Variants in SLC5A10 observed in about 807,000 individuals in gnomAD.
The protein encoded by SLC5A10 is sodium/mannose cotransporter SLC5A10.
Under a neutral mutation model 68.9 loss-of-function variants are expected in SLC5A10, and 55 were observed. The ratio of observed to expected loss-of-function variants is 0.80; its 90% CI spans 0.64 to 1.00. The LOEUF is 1.00. Among genes scored for constraint, SLC5A10 ranks in the 50% least tolerant of loss-of-function variants. SLC5A10 has a pLI of 0.00. For synonymous variants in SLC5A10, 344 were observed against 344.8 expected (o/e 1.00, Z 0.02); for missense variants, 732 against 819.3 (o/e 0.89, Z 1.30).
At chr17:19,009,061 C>T (rs1335093939) in intron 9 of SLC5A10, among the ~76,000 whole-genome samples, 1 of 152,068 alleles carries the variant, frequency 6.6e-6, no homozygotes, top group African/African-American at 2.4e-5. Flanking sequence ...GATTCATCCA[C>T]CTCAGCCTCC....
chr17:19,002,859 C>T (rs966841347), intron 9 of SLC5A10, among the ~76,000 whole-genome samples: 3 of 152,136 alleles, frequency 2.0e-5, no homozygotes, highest in East Asian at 1.9e-4. Context: ...AGGTCCCTTC[C>T]GGTGGCAAAA....
At chr17:18,979,108 A>C in intron 9 of SLC5A10, 1 of 560,370 alleles carries the variant, frequency 1.8e-6, no homozygotes, top group Non-Finnish European at 3.2e-6. Context: ...GGATTCACTA[A>C]GCAGCTCAGG....
rs185335436 is a variant in SLC5A10 at position 19,021,626 on chromosome 17, T to C, written c.*1195T>C. ...GGTTGAGCCTCCAGTGGGTGAAACC[T>C]GGGAGTCCTCAACCTTCCTGGCAGA... On this transcript the variant is annotated 3_prime_UTR_variant, in exon 15 of 15. Transcript: ENST00000395645. This position sits in a 1 kb window ranked among gnomAD's most constrained non-coding sequence, Gnocchi z 4.1. The C allele has an allele frequency of 5.6e-4, 222 of 393,596 alleles. No homozygotes were observed. Among genetic ancestry groups the C allele is most frequent in the African/African-American group, 4.3e-3 (207 of 48,694 alleles). 24.4% of individuals were successfully genotyped at this position (393,596 alleles called of 1,614,324 possible).
In SLC5A10 at chr17:18,968,574, G is replaced by T. The variant is rs2042758622; in HGVS notation, c.454-478G>T. Among the ~76,000 whole-genome samples, 1 of 152,210 alleles carries T rather than the reference G, an allele frequency of 6.6e-6. No individual in the cohort carries two copies. Among genetic ancestry groups the T allele is most frequent in the Non-Finnish European group, 1.5e-5 (1 of 68,028 alleles). On this transcript the variant is annotated intron_variant, in intron 5 of 14. Transcript: ENST00000395645. This position sits in a 1 kb window ranked among gnomAD's most constrained non-coding sequence, Gnocchi z 4.1. ...GCTTCAGTTCCAAACCCACTGGGGG[G>T]TGGGGGCAGGAAGCAAGGCTGCCCC... is the stretch of plus-strand genomic sequence containing the variant.
chr17:18,961,485 G>T (rs1036011860), intron 5 of SLC5A10, among the ~76,000 whole-genome samples: 4 of 152,128 alleles, frequency 2.6e-5, no homozygotes, highest in African/African-American at 7.2e-5. Context: ...GTGAGTTGGT[G>T]GTAGCAATGG....
At position 19,004,040 on chromosome 17, in the gene SLC5A10, A is replaced by AT. The variant is rs1456234400; in HGVS notation, c.983-9369dup. On this transcript the variant is annotated intron_variant, in intron 9 of 14. Transcript: ENST00000395645. The surrounding 1 kb of genome is among the most constrained non-coding windows in gnomAD (Gnocchi z 5.4). ...CAGACACTGCACCTGAGAGAAGGCC[A>AT]TGGCGCCGCCTGCCCGGGCACTGCT... is the stretch of plus-strand genomic sequence containing the variant. 6.3e-6 allele frequency: 10 copies of AT among 1,583,364 alleles called. 1 individual carries two copies. The South Asian group carries it at 9.1e-5, about 14-fold the overall frequency.
At chr17:18,987,997 C>T (rs529760638) in intron 9 of SLC5A10, among the ~76,000 whole-genome samples, 2 of 152,338 alleles carry the variant, frequency 1.3e-5, no homozygotes, top group East Asian at 1.9e-4. Flanking sequence ...GCATGAGCTC[C>T]AGCACCTGGT....
At chr17:18,979,663 A>G (rs901725235) in intron 9 of SLC5A10, 1 of 1,613,338 alleles carries the variant, frequency 6.2e-7, no homozygotes, top group Non-Finnish European at 8.5e-7. Context: ...GCTGCTCCGC[A>G]CTCTGAGATT....
chr17:18,978,235 G>C, intron 9 of SLC5A10: 1 of 1,590,104 alleles, frequency 6.3e-7, no homozygotes, highest in Non-Finnish European at 8.6e-7. Flanking sequence ...TGGGCTCTGG[G>C]GGAGGGCAAG....
chr17:19,017,478 A>G lies in SLC5A10; in HGVS notation c.1242-1945A>G. 7.6e-7 allele frequency: 1 copy of G among 1,318,268 alleles called. No homozygotes were observed. Among genetic ancestry groups the G allele is most frequent in the Non-Finnish European group, 1.1e-6 (1 of 938,006 alleles). The allele number at this position is 1,318,268 out of a possible 1,614,324, so 81.7% of individuals were successfully genotyped here. On this transcript the variant is annotated intron_variant, in intron 11 of 14. Transcript: ENST00000395645. This position sits in a 1 kb window ranked among gnomAD's most constrained non-coding sequence, Gnocchi z 5.6. ...AGACCAACAGCCCAGAGGCCTGGAG[A>G]GGAGGCCATCGCAGGGCCGGGTGCA...
At chr17:18,964,071 T>C (rs1304100019) in intron 5 of SLC5A10, among the ~76,000 whole-genome samples, 17 of 152,154 alleles carry the variant, frequency 1.1e-4, no homozygotes, top group Admixed American at 1.1e-3. Flanking sequence ...CGTGGCTCCC[T>C]CATGTCCCTC....
At chr17:18,993,367 C>T (rs1280993621) in intron 9 of SLC5A10, among the ~76,000 whole-genome samples, 1 of 152,216 alleles carries the variant, frequency 6.6e-6, no homozygotes, top group Non-Finnish European at 1.5e-5. Flanking sequence ...GAGCGTGTAT[C>T]ACTTGCGTAT....
At chr17:18,979,712 A>C (rs2043081318) in intron 9 of SLC5A10, 1 of 1,609,784 alleles carries the variant, frequency 6.2e-7, no homozygotes, top group Admixed American at 1.7e-5. Context: ...CACGACTGCA[A>C]CCCTGACCAC....
At chr17:18,983,353 C>A (rs1794996907) in intron 9 of SLC5A10, among the ~76,000 whole-genome samples, 1 of 152,256 alleles carries the variant, frequency 6.6e-6, no homozygotes, top group South Asian at 2.1e-4. Flanking sequence ...AGCAGGTCAA[C>A]AGCCAGTGAG....
chr17:19,017,530 C>G lies in SLC5A10; in HGVS notation c.1242-1893C>G. The G allele has an allele frequency of 1.3e-6, 1 of 790,604 alleles. No homozygotes were observed. The highest frequency in any genetic ancestry group is 2.0e-6 in the Non-Finnish European group (1 of 492,524). 49.0% of individuals were successfully genotyped at this position (790,604 alleles called of 1,614,324 possible). A position where few individuals can be genotyped will look rare whatever the true frequency, so the allele number is the denominator to read the frequency against. ...TACCATGCCGGTGACCCTGATGGCT[C>G]TGTCCAGCTGAGCAGAGGCTGGAGG... On this transcript the variant is annotated intron_variant, in intron 11 of 14. Coordinates refer to ENST00000395645, the MANE Select transcript of SLC5A10 (RefSeq NM_001042450.4). This position sits in a 1 kb window ranked among gnomAD's most constrained non-coding sequence, Gnocchi z 5.6.
chr17:19,013,532 G>A lies in SLC5A10; in HGVS notation c.1090+15G>A. The A allele has an allele frequency of 6.9e-7, 1 of 1,450,148 alleles. No homozygotes were observed. Among genetic ancestry groups the A allele is most frequent in the Non-Finnish European group, 9.1e-7 (1 of 1,099,974 alleles). The allele number at this position is 1,450,148 out of a possible 1,614,324, so 89.8% of individuals were successfully genotyped here. A position where few individuals can be genotyped will look rare whatever the true frequency, so the allele number is the denominator to read the frequency against. ...GATGCCCATCGGTGAGGCTGTGTGG[G>A]TGGGGGTCTGGGTGGAGGGCGTGGG... On this transcript the variant is annotated intron_variant, in intron 10 of 14. Transcript: ENST00000395645.
chr17:18,961,120 C>T (rs867112207), intron 5 of SLC5A10, among the ~76,000 whole-genome samples: 1 of 152,186 alleles, frequency 6.6e-6, no homozygotes, highest in Non-Finnish European at 1.5e-5. Flanking sequence ...CCTGCCCCCA[C>T]GGGCATATTA....
At chr17:18,962,802 G>A (rs1278669802) in intron 5 of SLC5A10, among the ~76,000 whole-genome samples, 2 of 152,098 alleles carry the variant, frequency 1.3e-5, no homozygotes, top group Admixed American at 6.5e-5. Flanking sequence ...GTGAGGGAGG[G>A]AGACTGAGCC....
At chr17:18,985,398 C>A (rs1257392026) in intron 9 of SLC5A10, among the ~76,000 whole-genome samples, 1 of 152,224 alleles carries the variant, frequency 6.6e-6, no homozygotes, top group Non-Finnish European at 1.5e-5. Context: ...GCACCTGACA[C>A]CCCAAGGTCA....
Sources: gnomAD v4.1 joint callset for allele counts (sites outside exome capture counted in the v4.1 genomes callset) on GRCh38, gnomAD v4.1.1 for gene constraint, Gnocchi (gnomAD v3.1) non-coding constraint, MANE v1.5 for transcripts, NCBI Gene and HGNC (gene_info 2026-07-23, HGNC 2026-07-21) for gene names.